SYNPR: variants seen among roughly 807,000 people sequenced by gnomAD.
SYNPR encodes the protein synaptoporin.
A neutral mutation model predicts 32.9 loss-of-function variants in SYNPR; 23 were observed. The ratio of observed to expected loss-of-function variants is 0.70; its 90% CI spans 0.50 to 0.99. The LOEUF (loss-of-function observed/expected upper bound fraction) is 0.99. Among genes scored for constraint, SYNPR ranks in the 50% least tolerant of loss-of-function variants. The pLI is 0.00. For synonymous variants in SYNPR, 146 were observed against 135.9 expected (o/e 1.07, Z -0.52); for missense variants, 318 against 349.3 (o/e 0.91, Z 0.71).
Position 63,556,553 on chromosome 3 carries a change from G to C in SYNPR, c.220G>C (p.Val74Leu), listed in dbSNP as rs769985584. ...AFAYPFRLHQ[V>L]TFEVPTCEGK... ...AATCTGGCAATTTAGGTTGCACCAG[G>C]TGACGTTTGAGGTGCCCACCTGCGA... Residue 74 changes from valine (V) to leucine (L), a missense_variant, in exon 4 of 6, where the codon GTG (valine) becomes CTG (leucine). Transcript: ENST00000478300. 3 of 1,610,786 alleles carry C rather than the reference G, an allele frequency of 1.9e-6. No individual in the cohort carries two copies. The highest frequency in any genetic ancestry group is 2.2e-5 in the South Asian group (2 of 90,692).
intron 5 of SYNPR, among the ~76,000 whole-genome samples, chr3:63,613,069 C>T (rs1353122101): frequency 6.6e-6 from 1 of 151,376 alleles, no homozygotes; most frequent in Non-Finnish European, 1.5e-5. Flanking sequence ...AACTCTTGGG[C>T]TCAAGGGATA....
the SYNPR span, among the ~76,000 whole-genome samples, chr3:63,207,687 C>A: frequency 1.3e-5 from 2 of 152,074 alleles, no homozygotes; most frequent in Non-Finnish European, 1.5e-5. Context: ...AAGGAAAACT[C>A]TGAGATACTA....
At chr3:63,487,601 C>A (rs553644933) in intron 3 of SYNPR, among the ~76,000 whole-genome samples, 1 of 152,302 alleles carries the variant, frequency 6.6e-6, no homozygotes, top group East Asian at 1.9e-4. Flanking sequence ...TTCCCCAACC[C>A]TGCCTCTGCC....
chr3:63,481,449 A>ATGTGTGTGTG (rs200642486), intron 3 of SYNPR, among the ~76,000 whole-genome samples: 69 of 148,038 alleles, frequency 4.7e-4, no homozygotes, highest in South Asian at 1.5e-3. Context: ...ATATATATAT[A>ATGTGTGTGTG]TATGTGTGTG....
intron 1 of SYNPR, among the ~76,000 whole-genome samples, chr3:63,248,236 G>C (rs970764620): frequency 6.6e-6 from 1 of 152,060 alleles, no homozygotes; most frequent in Non-Finnish European, 1.5e-5. Context: ...TGCTGACTTT[G>C]GGCAAGTTTT....
At chr3:63,253,407 T>A (rs1184103732) in intron 2 of SYNPR, among the ~76,000 whole-genome samples, 1 of 152,228 alleles carries the variant, frequency 6.6e-6, no homozygotes, top group Non-Finnish European at 1.5e-5. Context: ...TTTGGACAAC[T>A]GCATTGCCTT....
At chr3:63,566,085 C>T (rs1702784994) in intron 4 of SYNPR, among the ~76,000 whole-genome samples, 1 of 152,170 alleles carries the variant, frequency 6.6e-6, no homozygotes, top group Non-Finnish European at 1.5e-5. Context: ...AGATGTTACT[C>T]ATCAAAGAAC....
At chr3:63,218,709 A>C in the SYNPR span, among the ~76,000 whole-genome samples, 1 of 152,106 alleles carries the variant, frequency 6.6e-6, no homozygotes, top group Non-Finnish European at 1.5e-5. Context: ...CTTCTGCCTG[A>C]AAGGTGTTTT....
upstream of SYNPR, among the ~76,000 whole-genome samples, chr3:63,228,039 T>C (rs1288323010): frequency 6.6e-6 from 1 of 151,976 alleles, no homozygotes; most frequent in African/African-American, 2.4e-5. Flanking sequence ...CATTGAAGGG[T>C]TTTAAGGAAG....
At chr3:63,219,957 C>T in the SYNPR span, among the ~76,000 whole-genome samples, 1 of 152,132 alleles carries the variant, frequency 6.6e-6, no homozygotes, top group Non-Finnish European at 1.5e-5. Flanking sequence ...CTGTGTTGTA[C>T]AAAGGTCAAC....
intron 3 of SYNPR, among the ~76,000 whole-genome samples, chr3:63,540,595 C>T (rs1702279903): frequency 6.6e-6 from 1 of 151,978 alleles, no homozygotes. Context: ...ATGGTTGTAA[C>T]ATAATGGGCA....
chr3:63,598,582 C>T (rs1031833842), intron 4 of SYNPR, among the ~76,000 whole-genome samples: 5 of 152,090 alleles, frequency 3.3e-5, no homozygotes, highest in Non-Finnish European at 7.4e-5. Flanking sequence ...TATTTATGAA[C>T]CATGTTATGA....
chr3:63,578,978 A>T (rs931317012), intron 4 of SYNPR, among the ~76,000 whole-genome samples: 1 of 151,980 alleles, frequency 6.6e-6, no homozygotes, highest in Non-Finnish European at 1.5e-5. Context: ...CCTTAAATCA[A>T]ATCCCCCACT....
intron 2 of SYNPR, among the ~76,000 whole-genome samples, chr3:63,353,593 T>C (rs1470818634): frequency 6.6e-6 from 1 of 152,162 alleles, no homozygotes; most frequent in Non-Finnish European, 1.5e-5. Flanking sequence ...ATGATTCAGG[T>C]CCTAGGCAGT....
At chr3:63,457,510 G>A (rs1700504434) in intron 2 of SYNPR, among the ~76,000 whole-genome samples, 1 of 152,064 alleles carries the variant, frequency 6.6e-6, no homozygotes, top group African/African-American at 2.4e-5. Flanking sequence ...TCTTGCATCT[G>A]CTGAAATAAA....
At chr3:63,291,553 AATC>A (rs1282302646) in intron 2 of SYNPR, among the ~76,000 whole-genome samples, 1 of 152,152 alleles carries the variant, frequency 6.6e-6, no homozygotes, top group African/African-American at 2.4e-5. Context: ...TCTGTGTCAT[AATC>A]ATCAACTAGA....
At chr3:63,469,630 A>G (rs1700759621) in intron 2 of SYNPR, among the ~76,000 whole-genome samples, 1 of 152,222 alleles carries the variant, frequency 6.6e-6, no homozygotes, top group African/African-American at 2.4e-5. Flanking sequence ...CAAATATGAG[A>G]GAATTGGAGT....
At chr3:63,433,336 A>G (rs1416027480) in intron 2 of SYNPR, among the ~76,000 whole-genome samples, 1 of 152,172 alleles carries the variant, frequency 6.6e-6, no homozygotes, top group Admixed American at 6.6e-5. Flanking sequence ...TCATTTAAAG[A>G]CTTGGGGATG....
chr3:63,220,457 G>T, the SYNPR span, among the ~76,000 whole-genome samples: 27 of 152,060 alleles, frequency 1.8e-4, no homozygotes, highest in African/African-American at 6.3e-4. Flanking sequence ...GCTGGGGCTG[G>T]GGGTTTGAAA....
Sources: gnomAD v4.1 joint callset for allele counts (sites outside exome capture counted in the v4.1 genomes callset) on GRCh38, gnomAD v4.1.1 for gene constraint, MANE v1.5 for transcripts, NCBI Gene and HGNC (gene_info 2026-07-23, HGNC 2026-07-21) for gene names.